The following NRG3 variants were observed in gnomAD, a reference collection of about 807,000 sequenced individuals.
NRG3 encodes the protein neuregulin 3.
Under a neutral mutation model 66.9 loss-of-function variants are expected in NRG3, and 31 were observed. That is an observed-to-expected ratio of 0.46 (90% CI 0.35 to 0.63). The LOEUF (loss-of-function observed/expected upper bound fraction) is 0.63. NRG3 is among the 20% of genes least tolerant of loss of function. NRG3 has a pLI of 0.00. For missense variants in NRG3, 910 were observed against 878.9 expected (o/e 1.04, Z -0.45); for synonymous variants, 393 against 359.4 (o/e 1.09, Z -1.06).
intron 1 of NRG3, among the ~76,000 whole-genome samples, chr10:81,994,409 TAAA>T (rs1168345336): frequency 6.6e-6 from 1 of 152,124 alleles, no homozygotes; most frequent in Non-Finnish European, 1.5e-5. Flanking sequence ...AGGTAATATT[TAAA>T]AAAATCATTG....
In NRG3 at chr10:82,309,657, T is replaced by C. The variant is rs866954120; in HGVS notation, c.824-49082T>C. ...CAGGGAAATCATCTGTATTGCAGGT[T>C]AGGGCCAAAGTAGGTCAGTAAGAGT... is the stretch of plus-strand genomic sequence containing the variant. On this transcript the variant is annotated intron_variant, in intron 1 of 8. Coordinates refer to ENST00000372141, the MANE Select transcript of NRG3 (RefSeq NM_001010848.4). Among the ~76,000 whole-genome samples the C allele has an allele frequency of 4.6e-5, 7 of 152,206 alleles. No homozygotes were observed. In the South Asian group the frequency reaches 1.5e-3, roughly 32 times the overall value.
intron 2 of NRG3, among the ~76,000 whole-genome samples, chr10:82,572,598 G>T (rs4933838): frequency 0.47 from 63,937 of 136,862 alleles, 14,430 homozygotes; most frequent in East Asian, 0.67. Flanking sequence ...GGTTTTTTTT[G>T]TGTGTGTGTG....
At chr10:82,371,416 A>T (rs1454629303) in intron 2 of NRG3, among the ~76,000 whole-genome samples, 1 of 152,198 alleles carries the variant, frequency 6.6e-6, no homozygotes, top group African/African-American at 2.4e-5. Context: ...GAAGTAAATG[A>T]CAATTTAATA....
At chr10:82,259,193 T>C (rs1224479017) in intron 1 of NRG3, among the ~76,000 whole-genome samples, 1 of 152,194 alleles carries the variant, frequency 6.6e-6, no homozygotes, top group African/African-American at 2.4e-5. Flanking sequence ...ATGTTCAATT[T>C]TACAGAAGTT....
chr10:82,390,415 T>G (rs1029864075), intron 2 of NRG3, among the ~76,000 whole-genome samples: 1 of 152,066 alleles, frequency 6.6e-6, no homozygotes. Context: ...GGTGAAAGAG[T>G]ATTCTCAGGT....
At chr10:81,948,647 G>C (rs1849060462) in intron 1 of NRG3, among the ~76,000 whole-genome samples, 2 of 152,186 alleles carry the variant, frequency 1.3e-5, no homozygotes, top group Non-Finnish European at 2.9e-5. Context: ...GGAAAGGCCA[G>C]GCTGTGAATC....
intron 3 of NRG3, among the ~76,000 whole-genome samples, chr10:82,739,056 T>C (rs2058293538): frequency 6.6e-6 from 1 of 152,248 alleles, no homozygotes; most frequent in African/African-American, 2.4e-5. Context: ...TATGATAGTA[T>C]TAAACCATAC....
chr10:82,615,899 C>A (rs2048615054), intron 2 of NRG3, among the ~76,000 whole-genome samples: 1 of 152,180 alleles, frequency 6.6e-6, no homozygotes, highest in Admixed American at 6.6e-5. Context: ...CCTTTTCTTG[C>A]AGCAGACTAC....
intron 4 of NRG3, among the ~76,000 whole-genome samples, chr10:82,870,692 G>A (rs1335340578): frequency 2.6e-5 from 4 of 152,154 alleles, no homozygotes; most frequent in Non-Finnish European, 4.4e-5. Context: ...TTAATGTGGA[G>A]TATTTTTTCA....
chr10:82,190,519 G>T (rs582243), intron 1 of NRG3, among the ~76,000 whole-genome samples: 2,385 of 151,936 alleles, frequency 0.016, 42 homozygotes, highest in South Asian at 0.064. Context: ...GTAAAAACAT[G>T]TGATTTTTCC....
intron 1 of NRG3, among the ~76,000 whole-genome samples, chr10:82,098,168 A>G (rs573997012): frequency 7.0e-6 from 1 of 142,956 alleles, no homozygotes; most frequent in East Asian, 2.0e-4. Flanking sequence ...TGTATATGTC[A>G]TATATATATA....
At chr10:82,750,000 A>G (rs1434030887) in intron 3 of NRG3, among the ~76,000 whole-genome samples, 1 of 152,188 alleles carries the variant, frequency 6.6e-6, no homozygotes, top group African/African-American at 2.4e-5. Flanking sequence ...CACATGTGTC[A>G]CTAGACAGAC....
At chr10:82,759,269 G>T (rs553575443) in intron 3 of NRG3, among the ~76,000 whole-genome samples, 2 of 152,130 alleles carry the variant, frequency 1.3e-5, no homozygotes, top group South Asian at 2.1e-4. Context: ...AATTGAAGCA[G>T]CATGAGGCCC....
intron 1 of NRG3, among the ~76,000 whole-genome samples, chr10:81,890,871 C>T (rs1842955072): frequency 6.6e-6 from 1 of 152,200 alleles, no homozygotes; most frequent in Non-Finnish European, 1.5e-5. Context: ...CTTTTAAACT[C>T]AGACACTTTG....
At chr10:82,890,921 A>C (rs958405421) in intron 4 of NRG3, among the ~76,000 whole-genome samples, 5 of 152,048 alleles carry the variant, frequency 3.3e-5, no homozygotes, top group African/African-American at 1.2e-4. Context: ...TGACATTTGG[A>C]TAATCTGTTT....
At chr10:82,970,447 G>A (rs1851617858) in intron 6 of NRG3, among the ~76,000 whole-genome samples, 1 of 152,094 alleles carries the variant, frequency 6.6e-6, no homozygotes, top group Non-Finnish European at 1.5e-5. Flanking sequence ...CTACAGCTGT[G>A]CACCACTGCA....
intron 2 of NRG3, among the ~76,000 whole-genome samples, chr10:82,361,888 A>G (rs12268547): frequency 2.0e-5 from 3 of 151,800 alleles, no homozygotes; most frequent in Non-Finnish European, 2.9e-5. Flanking sequence ...AAGATTAGAC[A>G]TCTAAATCTG....
At chr10:82,129,058 G>A (rs2068644168) in intron 1 of NRG3, among the ~76,000 whole-genome samples, 1 of 151,874 alleles carries the variant, frequency 6.6e-6, no homozygotes, top group African/African-American at 2.4e-5. Flanking sequence ...GATTACAGAT[G>A]CCTGCCACCA....
At chr10:82,374,837 C>T (rs117074147) in intron 2 of NRG3, among the ~76,000 whole-genome samples, 2 of 152,182 alleles carry the variant, frequency 1.3e-5, no homozygotes, top group Non-Finnish European at 2.9e-5. Flanking sequence ...TATGCCAGAG[C>T]AAGCTTTCCT....
Sources: allele counts gnomAD v4.1 joint callset (sites outside exome capture counted in the v4.1 genomes callset), GRCh38; gene constraint gnomAD v4.1.1; transcripts MANE v1.5; gene names NCBI Gene and HGNC (gene_info 2026-07-23, HGNC 2026-07-21).